BPNT2: variants seen among roughly 807,000 people sequenced by gnomAD.
BPNT2 encodes the protein Golgi-resident adenosine 3',5'-bisphosphate 3'-phosphatase.
BPNT2 carries 11 observed loss-of-function variants against 29.3 expected under a neutral mutation model. The ratio of observed to expected loss-of-function variants is 0.38; its 90% CI spans 0.24 to 0.62. The LOEUF is 0.62. BPNT2 is among the 20% of genes least tolerant of loss of function. The pLI, the probability that BPNT2 is intolerant of heterozygous loss-of-function variation, is 0.62. For missense variants in BPNT2, 459 were observed against 473.4 expected (o/e 0.97, Z 0.28); for synonymous variants, 195 against 187.7 (o/e 1.04, Z -0.32).
intron 3 of BPNT2, among the ~76,000 whole-genome samples, chr8:56,971,677 G>C (rs1421068445): frequency 6.6e-6 from 1 of 151,424 alleles, no homozygotes; most frequent in Admixed American, 6.6e-5. Flanking sequence ...AGCACTTACA[G>C]ACCATACATA....
At chr8:56,977,083 T>C (rs1487351084) in intron 3 of BPNT2, among the ~76,000 whole-genome samples, 2 of 152,174 alleles carry the variant, frequency 1.3e-5, no homozygotes, top group African/African-American at 4.8e-5. Context: ...TAAATAAAGT[T>C]CATGTTTATA....
intron 4 of BPNT2, among the ~76,000 whole-genome samples, chr8:56,965,863 C>T (rs188542293): frequency 6.6e-6 from 1 of 152,258 alleles, no homozygotes. Context: ...ATCTTTCTTC[C>T]TCTCCTTGAT....
At chr8:56,987,012 A>C (rs140759030) in intron 1 of BPNT2, among the ~76,000 whole-genome samples, 1 of 152,230 alleles carries the variant, frequency 6.6e-6, no homozygotes, top group Non-Finnish European at 1.5e-5. Context: ...ATATACACAC[A>C]TAAGTGTATT....
At chr8:56,980,885 T>C (rs1451243844) in intron 1 of BPNT2, among the ~76,000 whole-genome samples, 1 of 150,142 alleles carries the variant, frequency 6.7e-6, no homozygotes, top group Admixed American at 6.7e-5. Flanking sequence ...TCTCTCTGTA[T>C]AATATATATT....
At chr8:56,993,093 A>G (rs1806445411) in intron 1 of BPNT2, 106 bp downstream of exon 1, 1 of 1,525,138 alleles carries the variant, frequency 6.6e-7, no homozygotes, top group Admixed American at 2.0e-5. Flanking sequence ...CTCAATTTCC[A>G]CATCTACAAA....
chr8:56,968,850 T>C (rs1247208681), intron 3 of BPNT2, among the ~76,000 whole-genome samples: 3 of 152,224 alleles, frequency 2.0e-5, no homozygotes, highest in East Asian at 3.8e-4. Context: ...AACCTTCAGA[T>C]TGTGAACTCA....
At position 56,963,790 on chromosome 8, in the gene BPNT2, T is replaced by C. The variant is rs756069211; in HGVS notation, c.*3A>G. On this transcript the variant is annotated 3_prime_UTR_variant, in exon 5 of 5. Coordinates refer to ENST00000262644, the MANE Select transcript of BPNT2 (RefSeq NM_017813.5). ...AAGAACTGTACCCTGTAATCAGTTA[T>C]GCTCATTTATGTCCTGTCTTTTCTA... 12 of 1,614,036 alleles carry C rather than the reference T, an allele frequency of 7.4e-6. No individual in the cohort carries two copies. Among genetic ancestry groups the C allele is most frequent in the Admixed American group, 6.7e-5 (4 of 60,004 alleles).
chr8:56,982,228 A>G (rs1806257724), intron 1 of BPNT2, among the ~76,000 whole-genome samples: 1 of 150,018 alleles, frequency 6.7e-6, no homozygotes, highest in African/African-American at 2.5e-5. Flanking sequence ...GGTTCGAGTG[A>G]TTCTCCTGCC....
intron 3 of BPNT2, among the ~76,000 whole-genome samples, chr8:56,976,980 G>C (rs969082138): frequency 6.6e-6 from 1 of 152,124 alleles, no homozygotes; most frequent in Non-Finnish European, 1.5e-5. Context: ...CCTCATGATA[G>C]CTCACAGATA....
intron 3 of BPNT2, among the ~76,000 whole-genome samples, chr8:56,974,762 A>G (rs73683609): frequency 2.1e-3 from 325 of 152,254 alleles, no homozygotes; most frequent in African/African-American, 7.3e-3. Context: ...TTTAGAAACC[A>G]CTTTTTGCTA....
At chr8:56,968,007 T>A (rs915079604) in intron 3 of BPNT2, among the ~76,000 whole-genome samples, 3 of 151,672 alleles carry the variant, frequency 2.0e-5, no homozygotes, top group African/African-American at 7.3e-5. Flanking sequence ...CACTGAAAAA[T>A]ATAAAAAGAA....
chr8:56,980,628 T>C (rs1806222922), intron 1 of BPNT2, among the ~76,000 whole-genome samples: 1 of 150,682 alleles, frequency 6.6e-6, no homozygotes. Context: ...TCAAATTTTC[T>C]ACCTTTTTTT....
intron 3 of BPNT2, among the ~76,000 whole-genome samples, chr8:56,974,991 T>G (rs2129204729): frequency 6.6e-6 from 1 of 152,330 alleles, no homozygotes; most frequent in South Asian, 2.1e-4. Context: ...CAATTCTCTT[T>G]GGAATAGCAG....
chr8:56,973,013 C>A (rs1035317040), intron 3 of BPNT2, among the ~76,000 whole-genome samples: 1 of 152,146 alleles, frequency 6.6e-6, no homozygotes, highest in Non-Finnish European at 1.5e-5. Context: ...AAACCGCTAA[C>A]CCCCGAGTCT....
chr8:56,981,779 G>T (rs1276378882), intron 1 of BPNT2, among the ~76,000 whole-genome samples: 1 of 151,964 alleles, frequency 6.6e-6, no homozygotes, highest in Non-Finnish European at 1.5e-5. Context: ...CCAAAATTTT[G>T]ATTTTAGTTA....
intron 2 of BPNT2, among the ~76,000 whole-genome samples, 158 bp downstream of exon 2, chr8:56,979,877 T>C (rs1806211165): frequency 6.6e-6 from 1 of 152,206 alleles, no homozygotes; most frequent in African/African-American, 2.4e-5. Context: ...GTTTCTTCAA[T>C]TATAGGTGTC....
chr8:56,971,408 A>G (rs372971865), intron 3 of BPNT2, among the ~76,000 whole-genome samples: 29 of 152,274 alleles, frequency 1.9e-4, no homozygotes, highest in African/African-American at 7.0e-4. Flanking sequence ...CCCTTGAACA[A>G]CACAGGTTTG....
Position 56,980,098 on chromosome 8 carries a change from C to G in BPNT2, c.487G>C (p.Glu163Gln). The change falls in exon 2 of 5, where the codon GAG (glutamate) becomes CAG (glutamine). Residue 163 changes from glutamate to glutamine, a missense_variant. Transcript: ENST00000262644. ...ACAGTAACACTTTCTGCTGGTACCTCTTTAGGAGTAGTTACTTCCTTTAGG... is the reference window on the plus strand; with the variant it reads ...ACAGTAACACTTTCTGCTGGTACCTGTTTAGGAGTAGTTACTTCCTTTAGG... ...DILKEVTTPK[E>Q]VPAESVTVWI... is the part of the protein sequence containing the mutation. 1 of 1,613,788 alleles carries G rather than the reference C, an allele frequency of 6.2e-7. No individual in the cohort carries two copies. The highest frequency in any genetic ancestry group is 8.5e-7 in the Non-Finnish European group (1 of 1,179,812).
At chr8:56,970,959 T>C (rs1264774286) in intron 3 of BPNT2, among the ~76,000 whole-genome samples, 2 of 152,178 alleles carry the variant, frequency 1.3e-5, no homozygotes, top group Non-Finnish European at 2.9e-5. Flanking sequence ...AAACCAGTTT[T>C]ACTAAGAAGT....
Sources: gnomAD v4.1 joint callset for allele counts (sites outside exome capture counted in the v4.1 genomes callset) on GRCh38, gnomAD v4.1.1 for gene constraint, MANE v1.5 for transcripts, NCBI Gene and HGNC (gene_info 2026-07-23, HGNC 2026-07-21) for gene names.